The following SNX27 variants were observed in gnomAD, a reference collection of about 807,000 sequenced individuals.
SNX27 encodes the protein sorting nexin 27.
Under a neutral mutation model 71.6 loss-of-function variants are expected in SNX27, and 22 were observed. That is an observed-to-expected ratio of 0.31 (90% CI 0.22 to 0.44). The LOEUF is 0.44. SNX27 is among the 20% of genes least tolerant of loss of function. The pLI is 1.00. For synonymous variants in SNX27, 269 were observed against 277.2 expected (o/e 0.97, Z 0.29); for missense variants, 531 against 698.6 (o/e 0.76, Z 2.70).
At chr1:151,688,825 C>A (rs1671309521) in intron 8 of SNX27, among the ~76,000 whole-genome samples, 1 of 151,846 alleles carries the variant, frequency 6.6e-6, no homozygotes, top group South Asian at 2.1e-4. Flanking sequence ...TTTTTCTGAT[C>A]CTCTCCTGTA....
At chr1:151,641,682 CTGA>C (rs1223678935) in intron 2 of SNX27, among the ~76,000 whole-genome samples, 1 of 124,118 alleles carries the variant, frequency 8.1e-6, no homozygotes, top group Non-Finnish European at 1.7e-5. Context: ...TCATATATAT[CTGA>C]TATATATATC....
intron 5 of SNX27, among the ~76,000 whole-genome samples, chr1:151,664,124 TATG>T (rs897301000): frequency 6.8e-6 from 1 of 147,418 alleles, no homozygotes; most frequent in African/African-American, 2.5e-5. Context: ...ATTAATAACA[TATG>T]ATATGTTACA....
At position 151,646,827 on chromosome 1, in the gene SNX27, C is replaced by G. The variant is rs559039925; in HGVS notation, c.543+7708C>G. Among the ~76,000 whole-genome samples the G allele has an allele frequency of 2.6e-5, 4 of 151,724 alleles. No individual in the cohort carries two copies. In the East Asian group the frequency reaches 7.7e-4, roughly 29 times the overall value. ...GTTATAGAAGATACTTAGCATAATA[C>G]CTTCTGTGTGTGTGCGTGTGTCAAG... is the stretch of plus-strand genomic sequence containing the variant. On this transcript the variant is annotated intron_variant, in intron 2 of 11. Coordinates refer to ENST00000458013, the MANE Select transcript of SNX27 (RefSeq NM_001330723.2).
chr1:151,674,426 A>G, intron 7 of SNX27, among the ~76,000 whole-genome samples: 1 of 152,058 alleles, frequency 6.6e-6, no homozygotes, highest in East Asian at 1.9e-4. Flanking sequence ...AAGTTGTTGT[A>G]GTTATTACTT....
chr1:151,632,700 A>G (rs893934337), intron 1 of SNX27, among the ~76,000 whole-genome samples: 1 of 152,128 alleles, frequency 6.6e-6, no homozygotes, highest in African/African-American at 2.4e-5. Context: ...TGCTGCAGAT[A>G]TGTACAGATT....
chr1:151,658,297 C>A lies in SNX27; in HGVS notation c.606C>A (p.Ile202=). The A allele has an allele frequency of 6.2e-7, 1 of 1,614,148 alleles. No homozygotes were observed. The highest frequency in any genetic ancestry group is 8.5e-7 in the Non-Finnish European group (1 of 1,180,030). The change falls in exon 3 of 12, where the codon ATC becomes ATA. Residue 202 remains isoleucine (I), a synonymous_variant. Coordinates refer to ENST00000458013, the MANE Select transcript of SNX27 (RefSeq NM_001330723.2). ...LCSKRYREFA[I]LHQNLKREFA... ...CTAAGCGGTACCGGGAGTTTGCTATCCTACACCAGAACCTGAAGAGAGAGT... is the reference window on the plus strand; with the variant it reads ...CTAAGCGGTACCGGGAGTTTGCTATACTACACCAGAACCTGAAGAGAGAGT...
chr1:151,625,814 G>C (rs970732383), intron 1 of SNX27, among the ~76,000 whole-genome samples: 1 of 151,488 alleles, frequency 6.6e-6, no homozygotes, highest in Non-Finnish European at 1.5e-5. Context: ...AGGGTGTGGT[G>C]GCACACACCT....
rs906365455 is a variant in SNX27 at position 151,643,545 on chromosome 1, G to A, written c.543+4426G>A. Among the ~76,000 whole-genome samples, 9 of 151,442 alleles carry A rather than the reference G, an allele frequency of 5.9e-5. 1 individual carries two copies. The highest frequency in any genetic ancestry group is 2.1e-4 in the South Asian group (1 of 4,790). On this transcript the variant is annotated intron_variant, in intron 2 of 11. Transcript: ENST00000458013. ...CCTGACCTCATGATCCGCCTGCCTC[G>A]GCCTCCCAAAGTGCTGAGATTACAG... is the stretch of plus-strand genomic sequence containing the variant.
chr1:151,638,038 T>A (rs1006791174), intron 1 of SNX27, among the ~76,000 whole-genome samples: 1 of 152,102 alleles, frequency 6.6e-6, no homozygotes. Context: ...GCTGAGGGAG[T>A]CTTGTGAGAC....
chr1:151,675,591 T>G (rs1327824257), intron 7 of SNX27, among the ~76,000 whole-genome samples: 1 of 151,862 alleles, frequency 6.6e-6, no homozygotes, highest in Admixed American at 6.6e-5. Context: ...TTCCCTATGT[T>G]GCTGGGGCTG....
At chr1:151,692,337 T>C in intron 8 of SNX27, 98 bp from the exon 9 acceptor site, 1 of 1,379,214 alleles carries the variant, frequency 7.3e-7, no homozygotes, top group Non-Finnish European at 9.5e-7. Context: ...GTTCTTTTTC[T>C]TGCACCACAT....
At chr1:151,689,562 C>G (rs1254476391) in intron 8 of SNX27, among the ~76,000 whole-genome samples, 1 of 152,226 alleles carries the variant, frequency 6.6e-6, no homozygotes, top group African/African-American at 2.4e-5. Context: ...GAGATTGTGG[C>G]AGAAATATTT....
intron 11 of SNX27, chr1:151,693,917 C>T: frequency 7.3e-7 from 1 of 1,368,032 alleles, no homozygotes. Context: ...TGTTGCTTTA[C>T]TGCTGTCTGT....
Position 151,683,396 on chromosome 1 carries a change from A to G in SNX27, c.1190A>G (p.Glu397Gly), listed in dbSNP as rs1445717200. 1 of 1,614,044 alleles carries G rather than the reference A, an allele frequency of 6.2e-7. No homozygotes were observed. The highest frequency in any genetic ancestry group is 8.5e-7 in the Non-Finnish European group (1 of 1,180,000). Residue 397 changes from glutamate (E) to glycine (G), a missense_variant, in exon 8 of 12, where the codon GAA (glutamate) becomes GGA (glycine). Transcript: ENST00000458013. ...DVKKGYIKAE[E>G]KSYQLQKLYE... is the part of the protein sequence containing the mutation. ...AAGAAAGGTTACATCAAAGCAGAAG[A>G]AAAGTCCTATCAATTACAGAAGCTA...
chr1:151,656,281 C>T, intron 2 of SNX27, among the ~76,000 whole-genome samples: 1 of 146,978 alleles, frequency 6.8e-6, no homozygotes, highest in Non-Finnish European at 1.5e-5. Context: ...TCACAATACA[C>T]ACAAATGAAA....
chr1:151,670,113 T>G (rs866310408), intron 7 of SNX27, among the ~76,000 whole-genome samples: 1 of 152,210 alleles, frequency 6.6e-6, no homozygotes, highest in Non-Finnish European at 1.5e-5. Context: ...GTTTTGATTT[T>G]TACAGTCCAC....
At chr1:151,634,799 A>G (rs538198814) in intron 1 of SNX27, among the ~76,000 whole-genome samples, 1 of 152,338 alleles carries the variant, frequency 6.6e-6, no homozygotes, top group East Asian at 1.9e-4. Flanking sequence ...AGAGAATTGT[A>G]CAGTGAATAC....
At chr1:151,660,974 A>AT (rs917610630) in intron 4 of SNX27, 112 bp downstream of exon 4, 13 of 784,584 alleles carry the variant, frequency 1.7e-5, no homozygotes, top group African/African-American at 1.6e-4. Flanking sequence ...AAAGGACTCC[A>AT]TTTTTTCTAC....
rs144804045 is a variant in SNX27, at chr1:151,626,019, C to T, written c.312-12869C>T. Reference sequence around the variant, plus strand: ...TGGCCCACACATGTAATCCCAGCTACTCTGGAGGCTGAAGCAGGAGAATGA... The same window carrying T: ...TGGCCCACACATGTAATCCCAGCTATTCTGGAGGCTGAAGCAGGAGAATGA... On this transcript the variant is annotated intron_variant, in intron 1 of 11. Transcript: ENST00000458013. Among the ~76,000 whole-genome samples, 667 of 152,126 alleles carry T rather than the reference C, an allele frequency of 4.4e-3. 8 individuals carry two copies. The highest frequency in any genetic ancestry group is 0.015 in the African/African-American group (641 of 41,528).
Sources: allele counts gnomAD v4.1 joint callset (sites outside exome capture counted in the v4.1 genomes callset), GRCh38; gene constraint gnomAD v4.1.1; transcripts MANE v1.5; gene names NCBI Gene and HGNC (gene_info 2026-07-23, HGNC 2026-07-21).